The following GPCPD1 variants were observed in gnomAD, a reference collection of about 807,000 sequenced individuals.
GPCPD1 encodes glycerophosphocholine phosphodiesterase 1.
A neutral mutation model predicts 89.2 loss-of-function variants in GPCPD1; 29 were observed. That is an observed-to-expected ratio of 0.33 (90% CI 0.24 to 0.44). The LOEUF (loss-of-function observed/expected upper bound fraction) is 0.44. Ranked by LOEUF, GPCPD1 falls within the 20% of genes least tolerant of loss-of-function variation. GPCPD1 has a pLI of 1.00. For synonymous variants in GPCPD1, 258 were observed against 266.3 expected (o/e 0.97, Z 0.30); for missense variants, 594 against 808.9 (o/e 0.73, Z 3.22).
intron 8 of GPCPD1, 139 bp from the exon 9 acceptor site, chr20:5,576,117 T>C: frequency 2.4e-6 from 1 of 423,628 alleles, no homozygotes; most frequent in Non-Finnish European, 4.1e-6. Context: ...ATTTTTTTTT[T>C]CATAAAAACT....
intron 1 of GPCPD1, among the ~76,000 whole-genome samples, chr20:5,609,319 A>G (rs1980799757): frequency 6.6e-6 from 1 of 152,230 alleles, no homozygotes; most frequent in African/African-American, 2.4e-5. Flanking sequence ...GTGAAGGATC[A>G]TTACGACCCT....
intron 19 of GPCPD1, among the ~76,000 whole-genome samples, chr20:5,552,301 G>C (rs914714920): frequency 1.4e-4 from 21 of 152,164 alleles, no homozygotes; most frequent in Admixed American, 2.6e-4. Context: ...TTACACTCTT[G>C]CCTCTGCCTA....
Position 5,547,866 on chromosome 20 carries a change from T to C in GPCPD1, c.1830-16A>G, listed in dbSNP as rs376348684. ...ATCATATATCCTATGATGAAACAAA[T>C]ACAAAACACATAAAATACTGTAATT... On this transcript the variant is annotated splice_polypyrimidine_tract_variant and intron_variant, in intron 19 of 19. Coordinates refer to ENST00000379019, the MANE Select transcript of GPCPD1 (RefSeq NM_019593.5). The C allele has an allele frequency of 9.8e-6, 14 of 1,434,302 alleles. No individual in the cohort carries two copies. The African/African-American group carries it at 2.0e-4, about 20-fold the overall frequency. The allele number at this position is 1,434,302 out of a possible 1,614,324, so 88.8% of individuals were successfully genotyped here.
At position 5,561,401 on chromosome 20, in the gene GPCPD1, G is replaced by T. The variant is rs921781652; in HGVS notation, c.1395+64C>A. On this transcript the variant is annotated intron_variant, in intron 16 of 19. Coordinates refer to ENST00000379019, the MANE Select transcript of GPCPD1 (RefSeq NM_019593.5). ...TTATTCCATTAAAATACAAAGACAG[G>T]AATGAAAGAATTTTTTAGATAGGCA... 9.4e-6 allele frequency: 8 copies of T among 855,402 alleles called. No individual in the cohort carries two copies. In the East Asian group the frequency reaches 1.5e-4, roughly 16 times the overall value. 53.0% of individuals were successfully genotyped at this position (855,402 alleles called of 1,614,324 possible).
At chr20:5,604,310 T>C in intron 2 of GPCPD1, 54 bp downstream of exon 2, 2 of 912,364 alleles carry the variant, frequency 2.2e-6, no homozygotes, top group Non-Finnish European at 3.6e-6. Context: ...GTAATCCAGA[T>C]AAGAAACATG....
At chr20:5,579,588 T>TCTG (rs992136473) in intron 7 of GPCPD1, among the ~76,000 whole-genome samples, 1 of 152,208 alleles carries the variant, frequency 6.6e-6, no homozygotes, top group African/African-American at 2.4e-5. Context: ...CCTCAGGTGA[T>TCTG]CTGCCCACCT....
chr20:5,587,581 T>C (rs1172764972), intron 4 of GPCPD1, among the ~76,000 whole-genome samples: 1 of 152,148 alleles, frequency 6.6e-6, no homozygotes, highest in African/African-American at 2.4e-5. Context: ...TTGGCCAGGC[T>C]AGTCTCGAAC....
intron 15 of GPCPD1, among the ~76,000 whole-genome samples, chr20:5,563,214 C>G (rs6053501): frequency 0.15 from 22,448 of 151,942 alleles, 1,786 homozygotes; most frequent in South Asian, 0.19. Context: ...CCCCTGACCT[C>G]GTGATCCACC....
At chr20:5,589,293 A>C (rs1979157867) in intron 4 of GPCPD1, among the ~76,000 whole-genome samples, 1 of 152,224 alleles carries the variant, frequency 6.6e-6, no homozygotes, top group Non-Finnish European at 1.5e-5. Context: ...AGGCAATCTT[A>C]AATTTTCAGC....
rs1331788386 is a variant in GPCPD1 at position 5,544,986 on chromosome 20, G to T, written c.*2675C>A. 1 of 152,156 alleles carries T rather than the reference G, an allele frequency of 6.6e-6. No individual in the cohort carries two copies. Among genetic ancestry groups the T allele is most frequent in the African/African-American group, 2.4e-5 (1 of 41,428 alleles). The allele number at this position is 152,156 out of a possible 1,614,324, so 9.4% of individuals were successfully genotyped here. Reference sequence around the variant, plus strand: ...AACACTTTCCACACAGGGGTGGGTGGTGTGCCTCACATTTACAGCCGATCA... The same window carrying T: ...AACACTTTCCACACAGGGGTGGGTGTTGTGCCTCACATTTACAGCCGATCA... On this transcript the variant is annotated 3_prime_UTR_variant, in exon 20 of 20. Transcript: ENST00000379019.
chr20:5,551,103 C>G (rs1361594990), intron 19 of GPCPD1, among the ~76,000 whole-genome samples: 4 of 152,162 alleles, frequency 2.6e-5, no homozygotes, highest in African/African-American at 9.7e-5. Context: ...ATGCTTTGGC[C>G]TACTCCTGAG....
At chr20:5,607,845 C>G (rs1980703285) in intron 1 of GPCPD1, among the ~76,000 whole-genome samples, 1 of 149,838 alleles carries the variant, frequency 6.7e-6, no homozygotes, top group South Asian at 2.1e-4. Flanking sequence ...AAAAGCCTGA[C>G]ATTTAAATTA....
At chr20:5,559,849 G>T in intron 17 of GPCPD1, 91 bp downstream of exon 17, 1 of 634,788 alleles carries the variant, frequency 1.6e-6, no homozygotes. Flanking sequence ...GATCATGGGG[G>T]AAAGCTGGAC....
rs564292682 is a variant in GPCPD1, at chr20:5,559,686, A to G, written c.1532+254T>C. On this transcript the variant is annotated intron_variant, in intron 17 of 19. Coordinates refer to ENST00000379019, the MANE Select transcript of GPCPD1 (RefSeq NM_019593.5). ...GTGATAAATCCCTAGGGAGCTTACAATATGGTAAGGAGTATATGACCTGCC... is the reference window on the plus strand; with the variant it reads ...GTGATAAATCCCTAGGGAGCTTACAGTATGGTAAGGAGTATATGACCTGCC... Among the ~76,000 whole-genome samples, 6 of 152,338 alleles carry G rather than the reference A, an allele frequency of 3.9e-5. No homozygotes were observed. In the East Asian group the frequency reaches 9.6e-4, roughly 24 times the overall value.
At chr20:5,568,109 C>T (rs994486090) in intron 12 of GPCPD1, among the ~76,000 whole-genome samples, 4 of 151,816 alleles carry the variant, frequency 2.6e-5, no homozygotes, top group African/African-American at 9.7e-5. Context: ...CCCCCACAAG[C>T]AAATCTGTTG....
At chr20:5,601,258 C>T (rs1262779208) in intron 2 of GPCPD1, among the ~76,000 whole-genome samples, 2 of 151,782 alleles carry the variant, frequency 1.3e-5, no homozygotes, top group East Asian at 1.9e-4. Context: ...GTCCCAGTTC[C>T]TCATGAGGTT....
At chr20:5,573,850 G>C in intron 11 of GPCPD1, 65 bp downstream of exon 11, 1 of 863,322 alleles carries the variant, frequency 1.2e-6, no homozygotes, top group East Asian at 2.4e-5. Context: ...AATAAAAACT[G>C]GAGGAGACTC....
intron 4 of GPCPD1, among the ~76,000 whole-genome samples, chr20:5,588,686 A>G (rs1979106040): frequency 6.6e-6 from 1 of 151,878 alleles, no homozygotes; most frequent in Non-Finnish European, 1.5e-5. Flanking sequence ...TTAGCCAGGC[A>G]TGGTGGCACA....
Position 5,547,708 on chromosome 20 carries a change from C to T in GPCPD1, c.1972G>A (p.Asp658Asn). 1 of 1,610,984 alleles carries T rather than the reference C, an allele frequency of 6.2e-7. No homozygotes were observed. Residue 658 changes from aspartate (D) to asparagine (N), a missense_variant, in exon 20 of 20, where the codon GAT becomes AAT. Coordinates refer to ENST00000379019, the MANE Select transcript of GPCPD1 (RefSeq NM_019593.5). ...FVPSSLCGES[D>N]IHVDANGIDN... The stretch of plus-strand genomic sequence containing the variant: ...ATGCCGTTGGCATCCACATGGATAT[C>T]AGACTCCCCACACAAAGATGAGGGA...
Sources: allele counts gnomAD v4.1 joint callset (sites outside exome capture counted in the v4.1 genomes callset), GRCh38; gene constraint gnomAD v4.1.1; transcripts MANE v1.5; gene names NCBI Gene and HGNC (gene_info 2026-07-23, HGNC 2026-07-21).